Variants in MSRA observed in about 807,000 individuals in gnomAD.
MSRA encodes the protein methionine sulfoxide reductase A, also known as mitochondrial peptide methionine sulfoxide reductase.
A neutral mutation model predicts 31.3 loss-of-function variants in MSRA; 54 were observed. That is an observed-to-expected ratio of 1.73 (90% CI 1.39 to 2.17). The LOEUF is 2.17. MSRA is among the 30% of genes most tolerant of loss of function. The probability of loss-of-function intolerance (pLI) is 0.00; values close to 1 mark genes in which losing one functional copy is unlikely to be tolerated. For missense variants in MSRA, 507 were observed against 300.9 expected, an observed-to-expected ratio of 1.69 and a Z score of -5.07; for synonymous variants, 169 against 116.5, an observed-to-expected ratio of 1.45 and a Z score of -2.90.
chr8:10,083,009 G>T (rs767398619), intron 1 of MSRA, among the ~76,000 whole-genome samples: 4 of 152,198 alleles, frequency 2.6e-5, no homozygotes, highest in African/African-American at 9.6e-5. Context: ...GAATAATTAA[G>T]CCTCCAATCT....
chr8:10,244,032 A>G (rs954315572), intron 2 of MSRA, among the ~76,000 whole-genome samples: 2 of 152,172 alleles, frequency 1.3e-5, no homozygotes, highest in African/African-American at 4.8e-5. Context: ...AATATTAAAG[A>G]GTGTCAAGAA....
At chr8:10,134,676 T>A (rs1163499579) in intron 1 of MSRA, among the ~76,000 whole-genome samples, 1 of 152,196 alleles carries the variant, frequency 6.6e-6, no homozygotes, top group Non-Finnish European at 1.5e-5. Context: ...GGAAGCCTGG[T>A]GGTGACAGGA....
chr8:10,196,109 G>A (rs1441387967), intron 1 of MSRA, among the ~76,000 whole-genome samples: 1 of 152,212 alleles, frequency 6.6e-6, no homozygotes, highest in Non-Finnish European at 1.5e-5. Flanking sequence ...TCTGACAGCT[G>A]ACAGTGCCCC....
intron 1 of MSRA, among the ~76,000 whole-genome samples, chr8:10,119,994 T>C (rs1052583532): frequency 6.6e-6 from 1 of 152,080 alleles, no homozygotes; most frequent in Non-Finnish European, 1.5e-5. Context: ...AACCGTGATA[T>C]AGGAGAGGGT....
intron 1 of MSRA, among the ~76,000 whole-genome samples, chr8:10,093,031 A>G (rs1378728160): frequency 6.6e-6 from 1 of 152,112 alleles, no homozygotes; most frequent in Non-Finnish European, 1.5e-5. Flanking sequence ...TTTGCATGGT[A>G]TATATATTTT....
intron 5 of MSRA, among the ~76,000 whole-genome samples, chr8:10,322,266 A>G (rs17151743): frequency 0.086 from 13,010 of 152,060 alleles, 985 homozygotes; most frequent in Admixed American, 0.22. Context: ...TGACCTTAGA[A>G]TAAATGAAAT....
chr8:10,128,132 C>G (rs112607634), intron 1 of MSRA, among the ~76,000 whole-genome samples: 9,912 of 152,158 alleles, frequency 0.065, 477 homozygotes, highest in African/African-American at 0.14. Context: ...AATCCCAGCA[C>G]TTTGGGAGGC....
At chr8:10,410,213 G>A (rs1808071714) in intron 5 of MSRA, among the ~76,000 whole-genome samples, 1 of 152,172 alleles carries the variant, frequency 6.6e-6, no homozygotes, top group Admixed American at 6.5e-5. Context: ...TGTGTGGCGG[G>A]GACGCTTGGC....
At chr8:10,350,610 A>G (rs925673683) in intron 5 of MSRA, among the ~76,000 whole-genome samples, 10 of 152,392 alleles carry the variant, frequency 6.6e-5, no homozygotes, top group African/African-American at 2.4e-4. Context: ...AATTGGAACC[A>G]GAAAATAGCT....
intron 5 of MSRA, among the ~76,000 whole-genome samples, chr8:10,417,015 G>T (rs1197112372): frequency 6.6e-6 from 1 of 152,236 alleles, no homozygotes; most frequent in Admixed American, 6.5e-5. Context: ...GCCATTAGCT[G>T]TGTGACAAAC....
At chr8:10,166,942 A>G (rs1467933556) in intron 1 of MSRA, among the ~76,000 whole-genome samples, 1 of 152,180 alleles carries the variant, frequency 6.6e-6, no homozygotes, top group Non-Finnish European at 1.5e-5. Flanking sequence ...GTGTATTCCT[A>G]GGGTTGAGAA....
intron 1 of MSRA, among the ~76,000 whole-genome samples, chr8:10,189,853 G>C (rs764329132): frequency 6.6e-6 from 1 of 152,038 alleles, no homozygotes; most frequent in Non-Finnish European, 1.5e-5. Flanking sequence ...GCTGGGAAAG[G>C]TTCCCCCTTC....
At chr8:10,072,734 A>G (rs553891177) in intron 1 of MSRA, among the ~76,000 whole-genome samples, 60 of 152,348 alleles carry the variant, frequency 3.9e-4, no homozygotes, top group Admixed American at 3.3e-3. Flanking sequence ...TGAGCACAGC[A>G]TGTCTTTCCA....
intron 3 of MSRA, among the ~76,000 whole-genome samples, chr8:10,283,160 A>ACACACACACACACTCTCTCTCTCTCTCT: frequency 5.0e-5 from 7 of 140,320 alleles, no homozygotes; most frequent in East Asian, 4.1e-4. Context: ...ACACACACAC[A>ACACACACACACACTCTCTCTCTCTCTCT]CTCTCACCCT....
intron 5 of MSRA, among the ~76,000 whole-genome samples, chr8:10,340,226 C>T (rs1441404828): frequency 2.0e-5 from 3 of 152,116 alleles, no homozygotes; most frequent in Non-Finnish European, 2.9e-5. Context: ...GTGCCATTCT[C>T]AGGTCTCCCA....
chr8:10,130,043 T>C (rs1281086226), intron 1 of MSRA, among the ~76,000 whole-genome samples: 2 of 152,204 alleles, frequency 1.3e-5, no homozygotes, highest in Non-Finnish European at 2.9e-5. Context: ...AGTAACTGGA[T>C]AATTGGAGAC....
intron 1 of MSRA, among the ~76,000 whole-genome samples, chr8:10,206,013 T>G (rs975665371): frequency 6.6e-6 from 1 of 152,276 alleles, no homozygotes; most frequent in Non-Finnish European, 1.5e-5. Flanking sequence ...GGTAATACTT[T>G]CATAGATATT....
intron 1 of MSRA, among the ~76,000 whole-genome samples, chr8:10,088,997 G>C (rs1222335547): frequency 6.6e-6 from 1 of 152,116 alleles, no homozygotes; most frequent in African/African-American, 2.4e-5. Flanking sequence ...GGTGGGGAGA[G>C]GAATTGGGGA....
At chr8:10,269,626 G>T (rs1798925396) in intron 3 of MSRA, among the ~76,000 whole-genome samples, 2 of 151,538 alleles carry the variant, frequency 1.3e-5, no homozygotes, top group Admixed American at 1.3e-4. Context: ...TCTCTCTTTT[G>T]GTTTTTTGTT....
Sources: allele counts gnomAD v4.1 joint callset (sites outside exome capture counted in the v4.1 genomes callset), GRCh38; gene constraint gnomAD v4.1.1; transcripts MANE v1.5; gene names NCBI Gene and HGNC (gene_info 2026-07-23, HGNC 2026-07-21).